BUD23: variants seen among roughly 807,000 people sequenced by gnomAD.
The protein encoded by BUD23 is 18S rRNA (guanine-N(7))-methyltransferase.
In BUD23, 34 loss-of-function variants were observed where a neutral mutation model predicts 47.0. That is an observed-to-expected ratio of 0.72 (90% CI 0.55 to 0.96). BUD23 has a LOEUF of 0.96. BUD23 is among the 40% of genes least tolerant of loss of function. The pLI, the probability that BUD23 is intolerant of heterozygous loss-of-function variation, is 0.00. For synonymous variants in BUD23, 124 were observed against 132.0 expected (o/e 0.94, Z 0.41); for missense variants, 343 against 361.2 (o/e 0.95, Z 0.41).
chr7:73,691,774 C>CT (rs797038888), intron 6 of BUD23, among the ~76,000 whole-genome samples: 95 of 145,548 alleles, frequency 6.5e-4, no homozygotes, highest in East Asian at 4.4e-3. Context: ...TAATTTTTTA[C>CT]TTTTTTTTTT....
chr7:73,692,757 A>G, intron 7 of BUD23, 111 bp downstream of exon 7: 2 of 1,110,116 alleles, frequency 1.8e-6, no homozygotes, highest in Non-Finnish European at 2.7e-6. Context: ...AGGAGGAAAC[A>G]TGCACCCTAG....
chr7:73,693,443 G>T (rs782641566), intron 8 of BUD23, 29 bp downstream of exon 8: 61 of 1,612,084 alleles, frequency 3.8e-5, no homozygotes, highest in Non-Finnish European at 5.0e-5. Context: ...TGTGCTGCCT[G>T]GGCTGCAGGA....
chr7:73,697,320 T>G, intron 10 of BUD23: 1 of 908,712 alleles, frequency 1.1e-6, no homozygotes, highest in Non-Finnish European at 1.7e-6. Flanking sequence ...CTTAGCTGCT[T>G]CCCGAAGAGG....
chr7:73,687,747 C>T (rs1554613314), intron 5 of BUD23, among the ~76,000 whole-genome samples: 1 of 152,166 alleles, frequency 6.6e-6, no homozygotes, highest in African/African-American at 2.4e-5. Flanking sequence ...GCAGCAGACT[C>T]ATGCAGATAT....
chr7:73,684,103 C>A, intron 2 of BUD23: 1 of 890,190 alleles, frequency 1.1e-6, no homozygotes, highest in Non-Finnish European at 1.6e-6. Flanking sequence ...TGGGTACGGG[C>A]GAGGGGTCAG....
chr7:73,691,122 G>A (rs534909735), intron 6 of BUD23, 110 bp downstream of exon 6: 2 of 912,420 alleles, frequency 2.2e-6, no homozygotes, highest in South Asian at 1.4e-5. Flanking sequence ...ACTCATATGG[G>A]ACCGCATGGG....
rs1011968522 is a variant in BUD23 at position 73,694,218 on chromosome 7, A to C, written c.701+168A>C. ...ATTTGGACTGTGCCTGTTTGGGGCTAGGGGTTTGGGGTCCTGGATGTCTGG... is the reference window on the plus strand; with the variant it reads ...ATTTGGACTGTGCCTGTTTGGGGCTCGGGGTTTGGGGTCCTGGATGTCTGG... On this transcript the variant is annotated intron_variant, in intron 10 of 11. Transcript: ENST00000265758. 14 of 710,914 alleles carry C rather than the reference A, an allele frequency of 2.0e-5. No individual in the cohort carries two copies. The African/African-American group carries it at 2.2e-4, about 11-fold the overall frequency. The allele number at this position is 710,914 out of a possible 1,614,324, so 44.0% of individuals were successfully genotyped here. A position where few individuals can be genotyped will look rare whatever the true frequency, so the allele number is the denominator to read the frequency against.
chr7:73,685,464 CGT>C (rs1202224135), intron 2 of BUD23, among the ~76,000 whole-genome samples: 1 of 152,202 alleles, frequency 6.6e-6, no homozygotes, highest in Non-Finnish European at 1.5e-5. Flanking sequence ...ATTTTTTGTG[CGT>C]GTGAGACAGG....
At chr7:73,694,228 G>A in intron 10 of BUD23, 178 bp downstream of exon 10, 1 of 628,940 alleles carries the variant, frequency 1.6e-6, no homozygotes. Flanking sequence ...AGGGGTTTGG[G>A]GTCCTGGATG....
chr7:73,685,324 G>A (rs1554612789), intron 2 of BUD23, among the ~76,000 whole-genome samples: 2 of 151,990 alleles, frequency 1.3e-5, no homozygotes, highest in African/African-American at 2.4e-5. Context: ...TTTTTTTTAG[G>A]GACAGGGTCT....
rs782090436 is a variant in BUD23 at position 73,691,030 on chromosome 7, T to TC, written c.459+22dup. 4 of 1,610,820 alleles carry TC rather than the reference T, an allele frequency of 2.5e-6. No homozygotes were observed. The Middle Eastern group carries it at 5.0e-4, about 199-fold the overall frequency. On this transcript the variant is annotated intron_variant, in intron 6 of 11. Transcript: ENST00000265758. ...CTGTTCTCGTGAGTATAAGATCTTC[T>TC]CCCCATCTGGGTTAGCTGCCTGTCC...
At chr7:73,690,807 A>G in intron 5 of BUD23, 109 bp from the exon 6 acceptor site, 2 of 807,566 alleles carry the variant, frequency 2.5e-6, no homozygotes, top group Non-Finnish European at 4.1e-6. Flanking sequence ...AAGCTGTGGG[A>G]GGAGGGGTTT....
At chr7:73,694,269 T>C in intron 10 of BUD23, 1 of 513,896 alleles carries the variant, frequency 1.9e-6, no homozygotes, top group Non-Finnish European at 3.4e-6. Context: ...CTGGACTCCC[T>C]TTGTGAGCCC....
At chr7:73,686,797 G>T (rs1554613080) in intron 3 of BUD23, 21 bp from the exon 4 acceptor site, 1 of 1,614,156 alleles carries the variant, frequency 6.2e-7, no homozygotes, top group South Asian at 1.1e-5. Flanking sequence ...CTGACCCTGA[G>T]TGTCTGGTCA....
chr7:73,697,393 AC>A, intron 10 of BUD23: 1 of 1,526,712 alleles, frequency 6.6e-7, no homozygotes, highest in Non-Finnish European at 8.8e-7. Flanking sequence ...TCCTCTGCCC[AC>A]CCAACAACCT....
At position 73,697,971 on chromosome 7, in the gene BUD23, A is replaced by C; in HGVS notation, c.*85A>C. ...CAAAGTAGTATTTTAGAAAAGTTCT[A>C]AAGTTATAAAAATGTTTTCTGCAGT... On this transcript the variant is annotated 3_prime_UTR_variant, in exon 12 of 12. Coordinates refer to ENST00000265758, the MANE Select transcript of BUD23 (RefSeq NM_017528.5). The C allele has an allele frequency of 1.3e-6, 2 of 1,490,142 alleles. No homozygotes were observed. Among genetic ancestry groups the C allele is most frequent in the African/African-American group, 2.8e-5 (2 of 70,780 alleles). 92.3% of individuals were successfully genotyped at this position (1,490,142 alleles called of 1,614,324 possible). A position where few individuals can be genotyped will look rare whatever the true frequency, so the allele number is the denominator to read the frequency against.
At chr7:73,690,838 A>T in intron 5 of BUD23, 78 bp from the exon 6 acceptor site, 1 of 1,138,770 alleles carries the variant, frequency 8.8e-7, no homozygotes, top group Non-Finnish European at 1.3e-6. Context: ...GCCAGGACGG[A>T]TGATGTCAAG....
Position 73,693,393 on chromosome 7 carries a change from C to T in BUD23, c.575C>T (p.Pro192Leu), listed in dbSNP as rs1798266811. ...GFSGGMVVDY[P>L]NSAKAKKFYL... ...TCCGGTGGCATGGTGGTAGACTACCCTAACAGTGCCAAAGCAAAGAAGTGA... is the reference window on the plus strand; with the variant it reads ...TCCGGTGGCATGGTGGTAGACTACCTTAACAGTGCCAAAGCAAAGAAGTGA... The change falls in exon 8 of 12, where the codon CCT (proline) becomes CTT (leucine). Residue 192 changes from proline (P) to leucine (L), a missense_variant. Pro to Leu is a moderately conservative substitution (Grantham distance 98, BLOSUM62 -3). Coordinates refer to ENST00000265758, the MANE Select transcript of BUD23 (RefSeq NM_017528.5). 1.9e-6 allele frequency: 3 copies of T among 1,614,184 alleles called. No homozygotes were observed. Among genetic ancestry groups the T allele is most frequent in the Non-Finnish European group, 2.5e-6 (3 of 1,180,030 alleles).
Position 73,692,582 on chromosome 7 carries a change from C to A in BUD23, c.460-14C>A. 6.2e-7 allele frequency: 1 copy of A among 1,613,326 alleles called. No homozygotes were observed. The highest frequency in any genetic ancestry group is 1.1e-5 in the South Asian group (1 of 91,052). Reference sequence around the variant, plus strand: ...CAGTCATTTGTAAGACAGTGATGTTCCTGTTTCTTTCAGGTCCGGGGATCC... The same window carrying A: ...CAGTCATTTGTAAGACAGTGATGTTACTGTTTCTTTCAGGTCCGGGGATCC... On this transcript the variant is annotated splice_polypyrimidine_tract_variant and intron_variant, in intron 6 of 11. Transcript: ENST00000265758.
Sources: allele counts gnomAD v4.1 joint callset (sites outside exome capture counted in the v4.1 genomes callset), GRCh38; gene constraint gnomAD v4.1.1; transcripts MANE v1.5; gene names NCBI Gene and HGNC (gene_info 2026-07-23, HGNC 2026-07-21).